The following NT5DC3 variants were observed in gnomAD, a reference collection of about 807,000 sequenced individuals.
NT5DC3 encodes 5'-nucleotidase domain containing 3, also known as 5'-nucleotidase domain-containing protein 3.
NT5DC3 carries 42 observed loss-of-function variants against 67.8 expected under a neutral mutation model. The ratio of observed to expected loss-of-function variants is 0.62; its 90% CI spans 0.48 to 0.80. The LOEUF is 0.80. Ranked by LOEUF, NT5DC3 falls within the 30% of genes least tolerant of loss-of-function variation. NT5DC3 has a pLI of 0.00. For missense variants in NT5DC3, 570 were observed against 696.4 expected (o/e 0.82, Z 2.04); for synonymous variants, 237 against 255.6 (o/e 0.93, Z 0.69).
chr12:103,771,850 G>C (rs929667551), downstream of NT5DC3, among the ~76,000 whole-genome samples: 8 of 152,188 alleles, frequency 5.3e-5, no homozygotes, highest in African/African-American at 1.7e-4. Context: ...CAGAGGAGCA[G>C]GCTGTCATTT....
the NT5DC3 span, chr12:103,746,492 T>A: frequency 9.6e-7 from 1 of 1,036,314 alleles, no homozygotes; most frequent in Non-Finnish European, 1.5e-6. Flanking sequence ...CAGGGGCACT[T>A]ATGAACACAG....
downstream of NT5DC3, among the ~76,000 whole-genome samples, chr12:103,767,377 TAGAGAC>T (rs1373911924): frequency 2.0e-5 from 3 of 152,158 alleles, no homozygotes; most frequent in Non-Finnish European, 4.4e-5. Flanking sequence ...TGATGATTGA[TAGAGAC>T]AGAAAGTAGG....
the NT5DC3 span, chr12:103,750,647 G>A: frequency 6.2e-7 from 1 of 1,614,236 alleles, no homozygotes; most frequent in African/African-American, 1.3e-5. Flanking sequence ...CGGAGCAGCT[G>A]CCCATTGACC....
At chr12:103,747,126 T>G in the NT5DC3 span, among the ~76,000 whole-genome samples, 63 of 152,102 alleles carry the variant, frequency 4.1e-4, no homozygotes, top group African/African-American at 1.4e-3. Flanking sequence ...CTGGCTAACT[T>G]TAGAGTGTTT....
At chr12:103,804,158 T>C (rs1008805975) in intron 4 of NT5DC3, among the ~76,000 whole-genome samples, 1 of 152,152 alleles carries the variant, frequency 6.6e-6, no homozygotes, top group African/African-American at 2.4e-5. Context: ...GTAATATTAT[T>C]ACCATCATCA....
intron 1 of NT5DC3, among the ~76,000 whole-genome samples, chr12:103,817,820 C>T (rs1887327728): frequency 6.6e-6 from 1 of 152,140 alleles, no homozygotes; most frequent in Admixed American, 6.5e-5. Flanking sequence ...AAAGTCAATC[C>T]ATCATTTCTG....
intron 1 of NT5DC3, among the ~76,000 whole-genome samples, chr12:103,825,169 A>G (rs1479556599): frequency 1.3e-5 from 2 of 152,226 alleles, no homozygotes; most frequent in Non-Finnish European, 2.9e-5. Context: ...TATATTTTGC[A>G]TCGTCTCCGA....
chr12:103,755,542 C>G, the NT5DC3 span: 1 of 1,609,268 alleles, frequency 6.2e-7, no homozygotes, highest in African/African-American at 1.3e-5. Context: ...CAGTCACTCC[C>G]CAAGCAGAAG....
the NT5DC3 span, among the ~76,000 whole-genome samples, chr12:103,761,723 C>A: frequency 4.1e-4 from 62 of 152,292 alleles, 1 homozygote; most frequent in Middle Eastern, 3.4e-3. Flanking sequence ...CCCTCCACTT[C>A]GTAGCATCTC....
chr12:103,750,509 C>T, the NT5DC3 span: 1 of 1,587,728 alleles, frequency 6.3e-7, no homozygotes, highest in Admixed American at 1.7e-5. Context: ...ACATTGGTCC[C>T]ATGGGCACTT....
At chr12:103,749,090 A>G in the NT5DC3 span, 1 of 1,614,112 alleles carries the variant, frequency 6.2e-7, no homozygotes, top group Non-Finnish European at 8.5e-7. Context: ...GCACAGAGAT[A>G]GACCCCTGTG....
chr12:103,830,424 G>A (rs1034945071), intron 1 of NT5DC3, among the ~76,000 whole-genome samples: 2 of 152,074 alleles, frequency 1.3e-5, no homozygotes, highest in Admixed American at 1.3e-4. Context: ...TCTTTCATTT[G>A]TTTTGGAAAA....
In NT5DC3 at chr12:103,806,877, C is replaced by A; in HGVS notation, c.446G>T (p.Gly149Val). Residue 149 changes from glycine to valine, a missense_variant, in exon 3 of 14, where the codon GGA becomes GTA. Gly to Val is a moderately radical substitution (Grantham distance 109). This residue lies in a region of NT5DC3 where 466 missense variants were observed against 608.0 expected (regional missense o/e 0.77). Coordinates refer to ENST00000392876, the MANE Select transcript of NT5DC3 (RefSeq NM_001031701.3). ...YEYDPNFAIR[G>V]LHYDVQRAVL... ...TACCCGCTGTACATCATAATGAAGT[C>A]CACGAATTGCAAAATTTGGGTCATA... 1.2e-6 allele frequency: 2 copies of A among 1,606,960 alleles called. No homozygotes were observed. The highest frequency in any genetic ancestry group is 1.1e-5 in the South Asian group (1 of 90,880).
the NT5DC3 span, among the ~76,000 whole-genome samples, chr12:103,761,822 A>G: frequency 6.6e-6 from 1 of 152,140 alleles, no homozygotes; most frequent in Non-Finnish European, 1.5e-5. Context: ...AATGGAAAAC[A>G]CTTAGAACAG....
At chr12:103,798,049 C>A (rs1886396509) in intron 5 of NT5DC3, among the ~76,000 whole-genome samples, 1 of 152,158 alleles carries the variant, frequency 6.6e-6, no homozygotes, top group African/African-American at 2.4e-5. Flanking sequence ...TAAGTAGAAT[C>A]ATTGTAAGTC....
intron 1 of NT5DC3, among the ~76,000 whole-genome samples, chr12:103,840,434 C>CGTCT (rs1888359170): frequency 7.7e-6 from 1 of 129,278 alleles, no homozygotes; most frequent in African/African-American, 2.7e-5. Flanking sequence ...CCATCCCATT[C>CGTCT]CATCCCATCC....
intron 13 of NT5DC3, among the ~76,000 whole-genome samples, chr12:103,779,899 T>C (rs932392015): frequency 3.9e-5 from 6 of 152,264 alleles, no homozygotes; most frequent in Admixed American, 1.3e-4. Flanking sequence ...ACCAGGGTCG[T>C]AGGAGCCCTA....
rs867493841 is a variant in NT5DC3, at chr12:103,806,454, C to A, written c.469-77G>T. 9.6e-5 allele frequency: 97 copies of A among 1,014,960 alleles called. No homozygotes were observed. In the Middle Eastern group the frequency reaches 2.7e-3, roughly 29 times the overall value. 62.9% of individuals were successfully genotyped at this position (1,014,960 alleles called of 1,614,324 possible). ...ATTACATGAGCCATCCAGGTGTCAT[C>A]ATATATCCTATCAACATTAGGCTGC... On this transcript the variant is annotated intron_variant, in intron 3 of 13. Transcript: ENST00000392876.
chr12:103,831,080 G>A (rs73175810), intron 1 of NT5DC3, among the ~76,000 whole-genome samples: 13,343 of 152,168 alleles, frequency 0.088, 947 homozygotes, highest in East Asian at 0.36. Flanking sequence ...TTGTGATATG[G>A]TTTGGCTCTG....
Sources: gnomAD v4.1 joint callset for allele counts (sites outside exome capture counted in the v4.1 genomes callset) on GRCh38, gnomAD v4.1.1 for gene constraint, gnomAD v4.1.1 regional missense constraint, MANE v1.5 for transcripts, NCBI Gene and HGNC (gene_info 2026-07-23, HGNC 2026-07-21) for gene names.